USP34: variants seen among roughly 807,000 people sequenced by gnomAD.
The protein encoded by USP34 is ubiquitin specific peptidase 34, also known as ubiquitin carboxyl-terminal hydrolase 34.
Under a neutral mutation model 460.3 loss-of-function variants are expected in USP34, and 70 were observed. The ratio of observed to expected loss-of-function variants is 0.15; its 90% CI spans 0.13 to 0.19. USP34 has a LOEUF of 0.19. Among genes scored for constraint, USP34 ranks in the 10% least tolerant of loss-of-function variants. The pLI, the probability that USP34 is intolerant of heterozygous loss-of-function variation, is 1.00. For missense variants in USP34, 3,985 were observed against 4,236.2 expected, an observed-to-expected ratio of 0.94 and a Z score of 1.65; for synonymous variants, 1,647 against 1,405.3, an observed-to-expected ratio of 1.17 and a Z score of -3.85.
At chr2:61,350,467 G>C in intron 11 of USP34, 78 bp from the exon 12 acceptor site, 1 of 1,558,734 alleles carries the variant, frequency 6.4e-7, no homozygotes, top group Non-Finnish European at 8.7e-7. Flanking sequence ...TTGTCAAACT[G>C]AAATGCCAAG....
chr2:61,359,983 C>G (rs562222018), intron 10 of USP34, among the ~76,000 whole-genome samples: 2 of 152,068 alleles, frequency 1.3e-5, no homozygotes, highest in South Asian at 4.2e-4. Flanking sequence ...CGAGGTTTCA[C>G]TATGTTGGCC....
intron 43 of USP34, among the ~76,000 whole-genome samples, chr2:61,264,259 T>C (rs746735600): frequency 2.0e-4 from 31 of 151,902 alleles, no homozygotes; most frequent in Non-Finnish European, 4.0e-4. Flanking sequence ...CTTTAAAGAG[T>C]AACTTAAACA....
chr2:61,337,071 C>A (rs1691442847), intron 18 of USP34, among the ~76,000 whole-genome samples: 1 of 152,040 alleles, frequency 6.6e-6, no homozygotes, highest in Non-Finnish European at 1.5e-5. Context: ...GATCTAAGCG[C>A]ACAGCTCAAA....
chr2:61,421,314 C>G (rs949721280), intron 1 of USP34, among the ~76,000 whole-genome samples: 6 of 152,194 alleles, frequency 3.9e-5, no homozygotes, highest in Non-Finnish European at 8.8e-5. Flanking sequence ...TCAGAGGTAT[C>G]AGCAGTAGCC....
intron 65 of USP34, among the ~76,000 whole-genome samples, 175 bp downstream of exon 65, chr2:61,222,444 C>T (rs1018520324): frequency 4.6e-5 from 7 of 152,006 alleles, no homozygotes; most frequent in African/African-American, 7.3e-5. Context: ...AAATTATATT[C>T]GTAATAAGAC....
intron 43 of USP34, 199 bp downstream of exon 43, chr2:61,265,198 T>G (rs1558498938): frequency 7.0e-6 from 4 of 571,782 alleles, no homozygotes; most frequent in Non-Finnish European, 8.9e-6. Context: ...CTTTGAGAAC[T>G]AAACTGTACT....
intron 1 of USP34, among the ~76,000 whole-genome samples, chr2:61,460,165 A>T (rs1001347479): frequency 6.6e-6 from 1 of 152,206 alleles, no homozygotes; most frequent in Non-Finnish European, 1.5e-5. Flanking sequence ...CTCCCTTATT[A>T]TCTTTGGTTT....
intron 20 of USP34, among the ~76,000 whole-genome samples, chr2:61,327,930 A>T (rs1691143713): frequency 6.6e-6 from 1 of 152,226 alleles, no homozygotes; most frequent in African/African-American, 2.4e-5. Context: ...CTTAAAAGAA[A>T]ATCTCTTTGT....
intron 1 of USP34, among the ~76,000 whole-genome samples, chr2:61,436,182 T>C (rs1489490812): frequency 6.6e-6 from 1 of 150,890 alleles, no homozygotes. Context: ...TACAAAAAAA[T>C]TGGCTGGGCA....
At chr2:61,196,084 T>TTTTTTA (rs1439052948) in intron 75 of USP34, among the ~76,000 whole-genome samples, 16 of 124,204 alleles carry the variant, frequency 1.3e-4, no homozygotes, top group African/African-American at 5.0e-4. Context: ...TTTTTTTTTT[T>TTTTTTA]TTTTTTTTTT....
chr2:61,222,404 G>A (rs182581486), intron 65 of USP34, among the ~76,000 whole-genome samples: 1 of 152,084 alleles, frequency 6.6e-6, no homozygotes, highest in Non-Finnish European at 1.5e-5. Context: ...GATACAATGA[G>A]TCTATACACA....
rs761365636 is a variant in USP34 at position 61,228,627 on chromosome 2, C to T, written c.7443+18G>A. ...ACCAGAGCCTCTAATACCTAATGTA[C>T]GATAGAACTGTACTTACATTTTCAG... On this transcript the variant is annotated intron_variant, in intron 61 of 79. Transcript: ENST00000398571. 25 of 1,603,124 alleles carry T rather than the reference C, an allele frequency of 1.6e-5. No homozygotes were observed. Among genetic ancestry groups the T allele is most frequent in the South Asian group, 3.4e-5 (3 of 89,356 alleles).
chr2:61,259,250 C>G (rs571821146), intron 44 of USP34, among the ~76,000 whole-genome samples: 1 of 152,058 alleles, frequency 6.6e-6, no homozygotes, highest in South Asian at 2.1e-4. Flanking sequence ...CAGAGCAAGA[C>G]TCTGTCTCAA....
At chr2:61,255,308 C>A (rs903163777) in intron 48 of USP34, among the ~76,000 whole-genome samples, 1 of 152,210 alleles carries the variant, frequency 6.6e-6, no homozygotes, top group African/African-American at 2.4e-5. Flanking sequence ...ATTTAACACT[C>A]TAACTCAACA....
chr2:61,342,427 A>C (rs1691633563), intron 16 of USP34, among the ~76,000 whole-genome samples: 2 of 150,550 alleles, frequency 1.3e-5, no homozygotes, highest in African/African-American at 4.9e-5. Flanking sequence ...CAGCCTCCCA[A>C]GTAGCTGGGA....
At chr2:61,404,756 G>A (rs1441457547) in intron 3 of USP34, among the ~76,000 whole-genome samples, 1 of 152,156 alleles carries the variant, frequency 6.6e-6, no homozygotes, top group Non-Finnish European at 1.5e-5. Flanking sequence ...TGAGAATCAT[G>A]AGGAATAATA....
intron 21 of USP34, among the ~76,000 whole-genome samples, chr2:61,322,994 T>C (rs1690972281): frequency 6.6e-6 from 1 of 152,248 alleles, no homozygotes; most frequent in Non-Finnish European, 1.5e-5. Flanking sequence ...ATAGTTATTG[T>C]CATATTGAAA....
chr2:61,462,252 A>C (rs568922688), intron 1 of USP34, among the ~76,000 whole-genome samples: 2 of 149,872 alleles, frequency 1.3e-5, no homozygotes, highest in South Asian at 4.2e-4. Context: ...GGGGAAAAAA[A>C]AAAAAAAGAA....
chr2:61,375,121 A>G lies in USP34; in HGVS notation c.1076+3242T>C, dbSNP rs560786524. ...TGGACAATATTGTGAATGAAGAAAC[A>G]TTATGGCAAATAACCACATAAAAAG... On this transcript the variant is annotated intron_variant, in intron 8 of 79. Transcript: ENST00000398571. 2.0e-5 allele frequency among the ~76,000 whole-genome samples: 3 copies of G among 152,328 alleles called. No individual in the cohort carries two copies. In the South Asian group the frequency reaches 6.2e-4, roughly 32 times the overall value.
Sources: gnomAD v4.1 joint callset for allele counts (sites outside exome capture counted in the v4.1 genomes callset) on GRCh38, gnomAD v4.1.1 for gene constraint, MANE v1.5 for transcripts, NCBI Gene and HGNC (gene_info 2026-07-23, HGNC 2026-07-21) for gene names.